Variants in RANBP17 observed in about 807,000 individuals in gnomAD.
RANBP17 encodes the protein ran-binding protein 17.
In RANBP17, 158 loss-of-function variants were observed where a neutral mutation model predicts 141.2. The ratio of observed to expected loss-of-function variants is 1.12; its 90% confidence interval spans 0.98 to 1.28. The LOEUF (loss-of-function observed/expected upper bound fraction) is 1.28. Among genes scored for constraint, RANBP17 ranks in the 50% most tolerant of loss-of-function variants. RANBP17 has a pLI of 0.00. For missense variants in RANBP17, 1,438 were observed against 1,290.7 expected (o/e 1.11, Z -1.75); for synonymous variants, 430 against 450.0 (o/e 0.96, Z 0.56).
At chr5:171,264,250 A>G (rs1766523615) in intron 24 of RANBP17, among the ~76,000 whole-genome samples, 1 of 152,116 alleles carries the variant, frequency 6.6e-6, no homozygotes, top group East Asian at 1.9e-4. Context: ...AGGTAGAAGG[A>G]AGGTAGGTGG....
At chr5:171,053,425 C>A (rs1783100823) in intron 14 of RANBP17, among the ~76,000 whole-genome samples, 1 of 152,052 alleles carries the variant, frequency 6.6e-6, no homozygotes, top group Non-Finnish European at 1.5e-5. Flanking sequence ...TTTCATTGTA[C>A]AAATCTTTCA....
At chr5:171,161,413 C>T (rs919428151) in intron 14 of RANBP17, 33 of 199,384 alleles carry the variant, frequency 1.7e-4, no homozygotes, top group Admixed American at 6.0e-5. Flanking sequence ...TTAGGTTGTA[C>T]GCCTGAGGAG....
intron 14 of RANBP17, among the ~76,000 whole-genome samples, chr5:171,165,213 G>A (rs557179953): frequency 6.6e-6 from 1 of 151,882 alleles, no homozygotes; most frequent in South Asian, 2.1e-4. Flanking sequence ...ATGGAGTCTC[G>A]CTCTGTCACC....
intron 14 of RANBP17, among the ~76,000 whole-genome samples, chr5:171,031,169 C>A (rs1000864192): frequency 6.6e-6 from 1 of 151,912 alleles, no homozygotes; most frequent in African/African-American, 2.4e-5. Context: ...GATTTACAGG[C>A]TTTAAATATG....
chr5:170,948,208 A>G (rs963572941), intron 12 of RANBP17, among the ~76,000 whole-genome samples: 4 of 152,172 alleles, frequency 2.6e-5, no homozygotes, highest in African/African-American at 9.7e-5. Context: ...TAAGATGAGT[A>G]TATCATAGCA....
chr5:171,250,563 A>T (rs907394344), intron 24 of RANBP17, among the ~76,000 whole-genome samples: 4 of 152,216 alleles, frequency 2.6e-5, no homozygotes, highest in African/African-American at 9.6e-5. Context: ...TTTAAAAAAA[A>T]AATTTGATCC....
intron 13 of RANBP17, among the ~76,000 whole-genome samples, chr5:170,958,441 G>A (rs535753873): frequency 2.0e-5 from 3 of 152,148 alleles, no homozygotes; most frequent in South Asian, 2.1e-4. Flanking sequence ...TGGTTGGTGG[G>A]TGTGCAAGCA....
intron 12 of RANBP17, among the ~76,000 whole-genome samples, chr5:170,951,392 A>G (rs1197373116): frequency 6.6e-6 from 1 of 152,138 alleles, no homozygotes; most frequent in African/African-American, 2.4e-5. Flanking sequence ...TATACAAACA[A>G]TGGAATGTTA....
At chr5:171,107,491 G>A (rs544319539) in intron 14 of RANBP17, among the ~76,000 whole-genome samples, 2 of 151,740 alleles carry the variant, frequency 1.3e-5, no homozygotes, top group East Asian at 3.9e-4. Context: ...TTTTTTCTTG[G>A]CCTGTGAGTA....
At chr5:170,862,703 C>T (rs1355924577) in intron 1 of RANBP17, among the ~76,000 whole-genome samples, 1 of 152,178 alleles carries the variant, frequency 6.6e-6, no homozygotes, top group Non-Finnish European at 1.5e-5. Flanking sequence ...GCAGAGGCTA[C>T]GAAGATGGGA....
chr5:170,875,689 C>G (rs1768120272), intron 1 of RANBP17, among the ~76,000 whole-genome samples: 1 of 79,598 alleles, frequency 1.3e-5, no homozygotes, highest in Non-Finnish European at 2.8e-5. Context: ...ACTGGTTATT[C>G]TAGTTAGCGC....
chr5:171,107,767 G>A (rs1018155411), intron 14 of RANBP17, among the ~76,000 whole-genome samples: 3 of 152,162 alleles, frequency 2.0e-5, no homozygotes, highest in Admixed American at 6.5e-5. Context: ...GTTATCAGAC[G>A]CTTTCTTTGT....
chr5:170,901,034 C>T (rs1348178838), intron 5 of RANBP17, among the ~76,000 whole-genome samples: 2 of 152,042 alleles, frequency 1.3e-5, no homozygotes, highest in Non-Finnish European at 2.9e-5. Flanking sequence ...TCTGCATGTT[C>T]CAGAGCTGAG....
chr5:171,108,206 T>C (rs1053596960), intron 14 of RANBP17, among the ~76,000 whole-genome samples: 6 of 152,204 alleles, frequency 3.9e-5, no homozygotes, highest in African/African-American at 1.4e-4. Flanking sequence ...AAGCAACAGC[T>C]GTTGTTCAGG....
At chr5:171,077,719 A>G (rs1282417163) in intron 14 of RANBP17, among the ~76,000 whole-genome samples, 1 of 152,232 alleles carries the variant, frequency 6.6e-6, no homozygotes, top group East Asian at 1.9e-4. Flanking sequence ...TTTAAAAAAC[A>G]TGAATTTTTA....
intron 11 of RANBP17, 67 bp downstream of exon 11, chr5:170,919,680 A>G (rs1772269670): frequency 7.7e-7 from 1 of 1,299,276 alleles, no homozygotes; most frequent in Non-Finnish European, 1.1e-6. Context: ...AGATAAAGTT[A>G]TAAATTTAAA....
chr5:171,250,550 T>A (rs1020397620), intron 24 of RANBP17, among the ~76,000 whole-genome samples: 1 of 152,182 alleles, frequency 6.6e-6, no homozygotes, highest in African/African-American at 2.4e-5. Context: ...ATGGCTGAAC[T>A]GATTTAAAAA....
intron 1 of RANBP17, among the ~76,000 whole-genome samples, chr5:170,867,411 C>G (rs903624201): frequency 6.6e-6 from 1 of 151,926 alleles, no homozygotes; most frequent in African/African-American, 2.4e-5. Flanking sequence ...GGTGGAAATA[C>G]TTTTGTAAAC....
At chr5:171,037,476 C>T (rs543485390) in intron 14 of RANBP17, among the ~76,000 whole-genome samples, 18 of 152,230 alleles carry the variant, frequency 1.2e-4, no homozygotes, top group African/African-American at 1.2e-4. Context: ...GTTTCTGTTA[C>T]AATTGCTTAT....
Sources: allele counts gnomAD v4.1 joint callset (sites outside exome capture counted in the v4.1 genomes callset), GRCh38; gene constraint gnomAD v4.1.1; transcripts MANE v1.5; gene names NCBI Gene and HGNC (gene_info 2026-07-23, HGNC 2026-07-21).